AGBL4: variants seen among roughly 807,000 people sequenced by gnomAD.
AGBL4 encodes cytosolic carboxypeptidase 6.
Under a neutral mutation model 66.4 loss-of-function variants are expected in AGBL4, and 58 were observed. The observed-to-expected ratio is 0.87, with a 90% CI of 0.71 to 1.09. The LOEUF (loss-of-function observed/expected upper bound fraction) is 1.09. AGBL4 is among the 50% of genes least tolerant of loss of function. The probability of loss-of-function intolerance (pLI) is 0.00; values close to 1 mark genes in which losing one functional copy is unlikely to be tolerated. For synonymous variants in AGBL4, 234 were observed against 222.9 expected (o/e 1.05, Z -0.44); for missense variants, 579 against 631.0 (o/e 0.92, Z 0.88).
chr1:49,207,905 A>G (rs1648370117), intron 4 of AGBL4, among the ~76,000 whole-genome samples: 1 of 151,780 alleles, frequency 6.6e-6, no homozygotes, highest in Admixed American at 6.6e-5. Flanking sequence ...TTAGCCACTA[A>G]CTTTGCCATG....
At chr1:49,092,853 C>A (rs1262174105) in intron 4 of AGBL4, among the ~76,000 whole-genome samples, 1 of 152,044 alleles carries the variant, frequency 6.6e-6, no homozygotes, top group Non-Finnish European at 1.5e-5. Context: ...TCTGCCAGGC[C>A]CAACTGCTTG....
chr1:48,681,528 G>A (rs1646454407), intron 6 of AGBL4, among the ~76,000 whole-genome samples: 1 of 152,210 alleles, frequency 6.6e-6, no homozygotes, highest in African/African-American at 2.4e-5. Context: ...GGACTCCAGA[G>A]CCCTCAGTGG....
In AGBL4 at chr1:49,731,447, T is replaced by C. The variant is rs542681935; in HGVS notation, c.158-34010A>G. On this transcript the variant is annotated intron_variant, in intron 2 of 13. Transcript: ENST00000371839. Reference sequence around the variant, plus strand: ...TTAGTTTAAAAAATTATGCCAGATATACACAGCAGACGAATAATAAATACG... The same window carrying C: ...TTAGTTTAAAAAATTATGCCAGATACACACAGCAGACGAATAATAAATACG... 3.9e-5 allele frequency among the ~76,000 whole-genome samples: 6 copies of C among 152,302 alleles called. No homozygotes were observed. In the South Asian group the frequency reaches 1.2e-3, roughly 32 times the overall value.
At chr1:49,580,417 T>G (rs115198948) in intron 3 of AGBL4, among the ~76,000 whole-genome samples, 1 of 152,198 alleles carries the variant, frequency 6.6e-6, no homozygotes. Flanking sequence ...TGTTTCTATT[T>G]GTGGTGTAGT....
chr1:48,523,524 G>A, the AGBL4 span, among the ~76,000 whole-genome samples: 100 of 152,316 alleles, frequency 6.6e-4, no homozygotes, highest in Non-Finnish European at 1.3e-3. Context: ...CAGGCTCTGG[G>A]TTAGTGCTCT....
intron 3 of AGBL4, among the ~76,000 whole-genome samples, chr1:49,277,279 T>C (rs375715616): frequency 6.6e-6 from 1 of 152,190 alleles, no homozygotes; most frequent in East Asian, 1.9e-4. Context: ...TTTTGATCAA[T>C]TGTTATCCTT....
intron 4 of AGBL4, among the ~76,000 whole-genome samples, chr1:49,140,183 C>A (rs1037385459): frequency 6.6e-6 from 1 of 152,166 alleles, no homozygotes; most frequent in Admixed American, 6.5e-5. Flanking sequence ...GCCTCACTAG[C>A]AATTTAGATA....
At chr1:48,832,631 G>A (rs1210623847) in intron 6 of AGBL4, among the ~76,000 whole-genome samples, 1 of 152,132 alleles carries the variant, frequency 6.6e-6, no homozygotes, top group Non-Finnish European at 1.5e-5. Flanking sequence ...ACTGGATCAC[G>A]GAGTGCCCAG....
At chr1:49,947,756 A>C in intron 1 of AGBL4, among the ~76,000 whole-genome samples, 1 of 150,044 alleles carries the variant, frequency 6.7e-6, no homozygotes, top group Non-Finnish European at 1.5e-5. Flanking sequence ...TCAAACTGTC[A>C]CTATTTACTG....
At chr1:48,534,596 C>CA (rs927604825) in intron 13 of AGBL4, among the ~76,000 whole-genome samples, 1 of 152,160 alleles carries the variant, frequency 6.6e-6, no homozygotes, top group Non-Finnish European at 1.5e-5. Context: ...AGTTTGAATT[C>CA]AAATTGAAGA....
intron 3 of AGBL4, among the ~76,000 whole-genome samples, chr1:49,608,595 T>C (rs1282698023): frequency 1.3e-5 from 2 of 150,184 alleles, no homozygotes; most frequent in Non-Finnish European, 3.0e-5. Context: ...TTATGAATCA[T>C]AGAAGGAGCA....
intron 4 of AGBL4, among the ~76,000 whole-genome samples, chr1:49,076,956 C>T (rs959378331): frequency 1.3e-5 from 2 of 152,136 alleles, no homozygotes; most frequent in Non-Finnish European, 2.9e-5. Context: ...TACAGAGAAA[C>T]TTCAAGCTTT....
chr1:49,369,937 C>T (rs1375895876), intron 3 of AGBL4, among the ~76,000 whole-genome samples: 2 of 151,458 alleles, frequency 1.3e-5, no homozygotes, highest in Non-Finnish European at 2.9e-5. Flanking sequence ...CAGTCAAAGG[C>T]TTAAATAGAA....
At chr1:48,711,596 G>T (rs984932095) in intron 6 of AGBL4, among the ~76,000 whole-genome samples, 1 of 152,052 alleles carries the variant, frequency 6.6e-6, no homozygotes, top group East Asian at 1.9e-4. Context: ...GCTCACCCCC[G>T]GGGCTGGATC....
At chr1:49,623,240 C>T (rs545680930) in intron 3 of AGBL4, among the ~76,000 whole-genome samples, 1 of 152,306 alleles carries the variant, frequency 6.6e-6, no homozygotes, top group South Asian at 2.1e-4. Context: ...CAAATTATTG[C>T]TGCTTTGCTG....
At chr1:49,416,138 T>A (rs1379751428) in intron 3 of AGBL4, among the ~76,000 whole-genome samples, 7 of 152,138 alleles carry the variant, frequency 4.6e-5, no homozygotes, top group African/African-American at 1.4e-4. Context: ...CTGTTGTTTT[T>A]TTCTTTCAAA....
chr1:49,679,688 T>C (rs1646650722), intron 3 of AGBL4, among the ~76,000 whole-genome samples: 1 of 152,172 alleles, frequency 6.6e-6, no homozygotes, highest in South Asian at 2.1e-4. Flanking sequence ...TTTTCTTCTT[T>C]TTAGAATTCT....
chr1:50,014,106 C>T (rs185140137), intron 1 of AGBL4, among the ~76,000 whole-genome samples: 6 of 152,258 alleles, frequency 3.9e-5, no homozygotes, highest in South Asian at 2.1e-4. Context: ...GGTGTGGTGG[C>T]TCACACATGT....
chr1:49,694,724 T>C (rs1275652286), intron 3 of AGBL4, among the ~76,000 whole-genome samples: 2 of 152,188 alleles, frequency 1.3e-5, no homozygotes, highest in Non-Finnish European at 2.9e-5. Flanking sequence ...AAGTAAGTTA[T>C]AACACTCTGG....
Sources: gnomAD v4.1 joint callset for allele counts (sites outside exome capture counted in the v4.1 genomes callset) on GRCh38, gnomAD v4.1.1 for gene constraint, MANE v1.5 for transcripts, NCBI Gene and HGNC (gene_info 2026-07-23, HGNC 2026-07-21) for gene names.